The following REXO1 variants were observed in gnomAD, a reference collection of about 807,000 sequenced individuals.
REXO1 encodes the protein RNA exonuclease 1 homolog, also known as REX1, RNA exonuclease 1 homolog.
In REXO1, 42 loss-of-function variants were observed where a neutral mutation model predicts 102.6. That is an observed-to-expected ratio of 0.41 (90% CI 0.32 to 0.53). The LOEUF is 0.53. REXO1 is among the 20% of genes least tolerant of loss of function. The pLI, the probability that REXO1 is intolerant of heterozygous loss-of-function variation, is 0.27. For missense variants in REXO1, 1,819 were observed against 1,732.5 expected (o/e 1.05, Z -0.89); for synonymous variants, 908 against 779.1 (o/e 1.17, Z -2.76).
intron 15 of REXO1, 31 bp from the exon 16 acceptor site, chr19:1,816,185 C>G (rs1266760060): frequency 1.3e-6 from 2 of 1,562,008 alleles, no homozygotes; most frequent in Non-Finnish European, 8.7e-7. Flanking sequence ...GCACCCGGCC[C>G]CTGCGCAGGG....
At position 1,827,315 on chromosome 19, in the gene REXO1, G is replaced by C; in HGVS notation, c.1474C>G (p.Leu492Val). The change falls in exon 2 of 16, where the codon CTA (leucine) becomes GTA (valine). Residue 492 changes from leucine (L) to valine (V), a missense_variant. Leu to Val is a conservative substitution (Grantham distance 32, BLOSUM62 1). Coordinates refer to ENST00000170168, the MANE Select transcript of REXO1 (RefSeq NM_020695.4). Reference protein sequence around the residue: ...RKSTKAPSGKLVERKARSLDE... With the variant: ...RKSTKAPSGKVVERKARSLDE... ...AGTGAGCGGGCTTTCCGCTCCACTA[G>C]CTTCCCCGACGGGGCCTTGGTGCTC... 3 of 1,560,842 alleles carry C rather than the reference G, an allele frequency of 1.9e-6. No individual in the cohort carries two copies. Among genetic ancestry groups the C allele is most frequent in the Non-Finnish European group, 2.6e-6 (3 of 1,158,274 alleles).
rs1259171911 is a variant in REXO1 at position 1,816,906 on chromosome 19, G to A, written c.3202-93C>T. 5.2e-6 allele frequency: 5 copies of A among 962,370 alleles called. No individual in the cohort carries two copies. The East Asian group carries it at 7.6e-5, about 15-fold the overall frequency. The allele number at this position is 962,370 out of a possible 1,614,324, so 59.6% of individuals were successfully genotyped here. A position where few individuals can be genotyped will look rare whatever the true frequency, so the allele number is the denominator to read the frequency against. On this transcript the variant is annotated intron_variant, in intron 12 of 15. Coordinates refer to ENST00000170168, the MANE Select transcript of REXO1 (RefSeq NM_020695.4). Reference sequence around the variant, plus strand: ...CTTTGAGTCTCCAGAGCCCCTCCAGGCAGAGGCAGTGACCAGAGACTCTGT... The same window carrying A: ...CTTTGAGTCTCCAGAGCCCCTCCAGACAGAGGCAGTGACCAGAGACTCTGT...
chr19:1,816,040 AGAGGCGGGTGG>A lies in REXO1; in HGVS notation c.*15_*25del, dbSNP rs1287093216. On this transcript the variant is annotated 3_prime_UTR_variant, in exon 16 of 16. Transcript: ENST00000170168. Reference sequence around the variant, plus strand: ...GGCTAAGGACCAGCGGGACGGCAGGAGAGGCGGGTGGGAGGCGGGCAGGCGTCATCGCTTGG... The same window carrying A: ...GGCTAAGGACCAGCGGGACGGCAGGAGAGGCGGGCAGGCGTCATCGCTTGG... 5.2e-6 allele frequency: 8 copies of A among 1,540,434 alleles called. No individual in the cohort carries two copies. The East Asian group carries it at 9.8e-5, about 19-fold the overall frequency.
intron 1 of REXO1, among the ~76,000 whole-genome samples, chr19:1,838,445 C>T (rs2070104647): frequency 6.6e-6 from 1 of 151,656 alleles, no homozygotes; most frequent in Admixed American, 6.6e-5. Context: ...ATGCAGAAAT[C>T]CTGTCTCTAC....
At chr19:1,841,106 C>G (rs773612477) in intron 1 of REXO1, among the ~76,000 whole-genome samples, 1 of 152,226 alleles carries the variant, frequency 6.6e-6, no homozygotes, top group African/African-American at 2.4e-5. Flanking sequence ...TCCAAGGGTC[C>G]CAGAGGACTT....
chr19:1,819,397 C>T (rs1031722863), intron 7 of REXO1, among the ~76,000 whole-genome samples: 3 of 152,132 alleles, frequency 2.0e-5, no homozygotes, highest in Non-Finnish European at 4.4e-5. Context: ...CCCCTCCCCT[C>T]AAGCGAAGGG....
At position 1,828,441 on chromosome 19, in the gene REXO1, G is replaced by A. The variant is rs954848199; in HGVS notation, c.348C>T (p.Thr116=). Residue 116 remains threonine (T), a synonymous_variant, in exon 2 of 16, where the codon ACC becomes ACT. Coordinates refer to ENST00000170168, the MANE Select transcript of REXO1 (RefSeq NM_020695.4). ...QRRYRELLET[T]REHRSAEAPA... Reference sequence around the variant, plus strand: ...GGGCCTCGGCGGAGCGGTGCTCACGGGTCGTCTCCAGCAGCTCCCGGTAGC... The same window carrying A: ...GGGCCTCGGCGGAGCGGTGCTCACGAGTCGTCTCCAGCAGCTCCCGGTAGC... The A allele has an allele frequency of 6.2e-7, 1 of 1,609,076 alleles. No individual in the cohort carries two copies. Among genetic ancestry groups the A allele is most frequent in the Non-Finnish European group, 8.5e-7 (1 of 1,179,340 alleles).
intron 1 of REXO1, among the ~76,000 whole-genome samples, chr19:1,839,180 C>G (rs1348458604): frequency 6.6e-6 from 1 of 151,540 alleles, no homozygotes; most frequent in African/African-American, 2.4e-5. Flanking sequence ...CACTTGAACC[C>G]AGCAGCGGAA....
rs1448292504 is a variant in REXO1 at position 1,816,723 on chromosome 19, T to C, written c.3292A>G (p.Asn1098Asp). ...CTGGTGTTGTAGTCCACGATCTCGT[T>C]GTCAGGCTTCACGAAGGTGTCATAA... ...VVYDTFVKPD[N>D]EIVDYNTRFS... Residue 1098 changes from asparagine to aspartate, a missense_variant, in exon 13 of 16, where the codon AAC becomes GAC. Coordinates refer to ENST00000170168, the MANE Select transcript of REXO1 (RefSeq NM_020695.4). The C allele has an allele frequency of 3.1e-6, 5 of 1,612,238 alleles. No homozygotes were observed. The highest frequency in any genetic ancestry group is 2.2e-5 in the South Asian group (2 of 91,040).
chr19:1,834,369 G>A (rs1364402523), intron 1 of REXO1, among the ~76,000 whole-genome samples: 2 of 152,148 alleles, frequency 1.3e-5, no homozygotes, highest in Admixed American at 1.3e-4. Flanking sequence ...AGGTGATAAG[G>A]GTCCAATCTG....
intron 12 of REXO1, 108 bp downstream of exon 12, chr19:1,817,111 C>T: frequency 7.4e-7 from 1 of 1,346,414 alleles, no homozygotes; most frequent in Non-Finnish European, 1.0e-6. Flanking sequence ...GAGAGAAACC[C>T]TGAGCGCTGG....
chr19:1,841,699 A>C (rs2011289740), intron 1 of REXO1, among the ~76,000 whole-genome samples: 1 of 152,128 alleles, frequency 6.6e-6, no homozygotes, highest in Non-Finnish European at 1.5e-5. Context: ...GGAGACGGTA[A>C]AGCTGCACAG....
At chr19:1,823,889 G>A (rs1481565421) in intron 3 of REXO1, 104 bp from the exon 4 acceptor site, 8 of 448,878 alleles carry the variant, frequency 1.8e-5, no homozygotes, top group Admixed American at 4.4e-5. Flanking sequence ...GGGGGCCGGA[G>A]GCACCACCTC....
At chr19:1,842,369 G>C (rs970865034) in intron 1 of REXO1, among the ~76,000 whole-genome samples, 1 of 152,226 alleles carries the variant, frequency 6.6e-6, no homozygotes, top group Non-Finnish European at 1.5e-5. Context: ...CAGTGCCCCT[G>C]GCCTCTGCCC....
intron 10 of REXO1, among the ~76,000 whole-genome samples, 158 bp downstream of exon 10, chr19:1,818,323 AG>A (rs1321814826): frequency 1.3e-5 from 2 of 152,226 alleles, no homozygotes; most frequent in Non-Finnish European, 2.9e-5. Flanking sequence ...AATGAGGCCA[AG>A]GGCTAGCCCC....
At chr19:1,834,993 G>C in intron 1 of REXO1, 1 of 430,684 alleles carries the variant, frequency 2.3e-6, no homozygotes, top group Non-Finnish European at 4.7e-6. Context: ...GGGCGCTCCA[G>C]CCAGGTCTGG....
chr19:1,847,149 T>C (rs1427374911), intron 1 of REXO1, among the ~76,000 whole-genome samples: 1 of 152,186 alleles, frequency 6.6e-6, no homozygotes, highest in African/African-American at 2.4e-5. Flanking sequence ...AGCTGACAAG[T>C]GATTGCTTGC....
chr19:1,840,636 C>T (rs1388270849), intron 1 of REXO1, among the ~76,000 whole-genome samples: 1 of 152,080 alleles, frequency 6.6e-6, no homozygotes, highest in Non-Finnish European at 1.5e-5. Context: ...ACACTCGCCC[C>T]ACCCCCCTGC....
chr19:1,837,527 G>GA (rs1287721873), intron 1 of REXO1, among the ~76,000 whole-genome samples: 8 of 152,184 alleles, frequency 5.3e-5, no homozygotes, highest in African/African-American at 1.9e-4. Flanking sequence ...CGGGGGCCTG[G>GA]ACCTCCACCA....
Sources: allele counts gnomAD v4.1 joint callset (sites outside exome capture counted in the v4.1 genomes callset), GRCh38; gene constraint gnomAD v4.1.1; transcripts MANE v1.5; gene names NCBI Gene and HGNC (gene_info 2026-07-23, HGNC 2026-07-21).